The following LRRC4C variants were observed in gnomAD, a reference collection of about 807,000 sequenced individuals.
LRRC4C encodes leucine-rich repeat-containing protein 4C.
In LRRC4C, 5 loss-of-function variants were observed where a neutral mutation model predicts 33.6. The ratio of observed to expected loss-of-function variants is 0.15; its 90% confidence interval spans 0.08 to 0.31. The LOEUF is 0.31. Among genes scored for constraint, LRRC4C ranks in the 10% least tolerant of loss-of-function variants. The pLI is 1.00. For synonymous variants in LRRC4C, 329 were observed against 302.0 expected, an observed-to-expected ratio of 1.09 and a Z score of -0.93; for missense variants, 560 against 796.7, an observed-to-expected ratio of 0.70 and a Z score of 3.58.
chr11:40,943,736 G>T lies in LRRC4C; in HGVS notation c.-495-10013C>A, dbSNP rs533936986. Among the ~76,000 whole-genome samples the T allele has an allele frequency of 4.6e-5, 7 of 152,254 alleles. No homozygotes were observed. In the East Asian group the frequency reaches 1.2e-3, roughly 25 times the overall value. On this transcript the variant is annotated intron_variant, in intron 1 of 6. Coordinates refer to ENST00000528697, the MANE Select transcript of LRRC4C (RefSeq NM_001258419.2). ...TGTCGGGAGAGTCTTTGAAGTGTTT[G>T]CACACATTAGTCTCTTCATTCTTAT...
At chr11:40,825,220 T>C (rs1218335450) in intron 2 of LRRC4C, among the ~76,000 whole-genome samples, 2 of 152,004 alleles carry the variant, frequency 1.3e-5, no homozygotes, top group Non-Finnish European at 2.9e-5. Flanking sequence ...ATCATCAGTC[T>C]TTAGAGTACA....
chr11:40,558,563 T>C (rs537337896), intron 3 of LRRC4C, among the ~76,000 whole-genome samples: 2 of 152,310 alleles, frequency 1.3e-5, no homozygotes, highest in South Asian at 4.1e-4. Flanking sequence ...CTTTCTTTGC[T>C]CTCTCACTTT....
At chr11:40,610,428 G>T (rs1961092054) in intron 3 of LRRC4C, among the ~76,000 whole-genome samples, 2 of 151,748 alleles carry the variant, frequency 1.3e-5, no homozygotes, top group Non-Finnish European at 2.9e-5. Flanking sequence ...ATAGTATGAG[G>T]TGAAAGAAGG....
intron 2 of LRRC4C, among the ~76,000 whole-genome samples, chr11:40,830,413 C>A (rs1417339849): frequency 2.6e-5 from 4 of 152,104 alleles, no homozygotes; most frequent in Non-Finnish European, 5.9e-5. Flanking sequence ...CAACTGCAGA[C>A]TCTACGCTCC....
intron 2 of LRRC4C, among the ~76,000 whole-genome samples, chr11:40,923,471 G>C (rs78242287): frequency 0.062 from 9,407 of 152,058 alleles, 402 homozygotes; most frequent in Admixed American, 0.15. Context: ...GTCACTTTTG[G>C]GTGAAGAATT....
chr11:40,752,697 A>G (rs1034221933), intron 2 of LRRC4C, among the ~76,000 whole-genome samples: 2 of 152,098 alleles, frequency 1.3e-5, no homozygotes. Context: ...TACACCTACT[A>G]TAAAAAACGG....
At chr11:41,075,147 C>T (rs61877035) in intron 1 of LRRC4C, among the ~76,000 whole-genome samples, 15,728 of 149,784 alleles carry the variant, frequency 0.11, 942 homozygotes, top group African/African-American at 0.16. Context: ...AATGAAACCA[C>T]ATGGAAGCCA....
intron 5 of LRRC4C, among the ~76,000 whole-genome samples, chr11:40,167,661 G>T (rs12221789): frequency 0.096 from 14,539 of 152,156 alleles, 1,123 homozygotes; most frequent in East Asian, 0.4. Context: ...TGAGCAAAGG[G>T]TAGGGTGAGG....
At chr11:41,105,705 A>T (rs1941453871) in intron 1 of LRRC4C, among the ~76,000 whole-genome samples, 1 of 152,072 alleles carries the variant, frequency 6.6e-6, no homozygotes, top group South Asian at 2.1e-4. Flanking sequence ...AAGCAACTAC[A>T]ACTTCGATGT....
intron 2 of LRRC4C, among the ~76,000 whole-genome samples, chr11:40,898,338 A>G (rs1406564837): frequency 2.2e-4 from 26 of 117,180 alleles, no homozygotes; most frequent in Non-Finnish European, 8.5e-5. Flanking sequence ...GGGCAACAAG[A>G]GTGAAACTCC....
chr11:41,011,797 A>AT (rs1855205642), intron 1 of LRRC4C, among the ~76,000 whole-genome samples: 1 of 50,888 alleles, frequency 2.0e-5, no homozygotes, highest in Non-Finnish European at 4.5e-5. Flanking sequence ...TGCACTTAAA[A>AT]TTAAAAAAAA....
rs139038511 is a variant in LRRC4C at position 41,380,174 on chromosome 11, C to T, written c.-496+79257G>A. ...AGAGTTTTATTTAAAATTTGAGCCC[C>T]GTGAACAGGGAAGGTATTTTCAATT... On this transcript the variant is annotated intron_variant, in intron 1 of 6. Transcript: ENST00000528697. 3.2e-3 allele frequency among the ~76,000 whole-genome samples: 491 copies of T among 152,190 alleles called. 1 individual carries two copies. Among genetic ancestry groups the T allele is most frequent in the African/African-American group, 1.0e-2 (414 of 41,548 alleles).
intron 1 of LRRC4C, among the ~76,000 whole-genome samples, chr11:41,036,647 G>A (rs1857087601): frequency 9.3e-6 from 1 of 107,928 alleles, no homozygotes; most frequent in Non-Finnish European, 2.2e-5. Flanking sequence ...GGTGTTGAAG[G>A]AAGCATTTTT....
At chr11:40,642,736 C>T (rs568715094) in intron 3 of LRRC4C, among the ~76,000 whole-genome samples, 50 of 152,146 alleles carry the variant, frequency 3.3e-4, no homozygotes, top group Non-Finnish European at 6.6e-4. Context: ...TTGCAAGCTC[C>T]GACTATCTAA....
chr11:41,026,216 A>T (rs1856344935), intron 1 of LRRC4C, among the ~76,000 whole-genome samples: 1 of 151,758 alleles, frequency 6.6e-6, no homozygotes. Flanking sequence ...GATGCCGTTA[A>T]GAACATTTGC....
At chr11:40,885,011 A>AGTATTTC (rs1955379222) in intron 2 of LRRC4C, among the ~76,000 whole-genome samples, 1 of 151,990 alleles carries the variant, frequency 6.6e-6, no homozygotes. Context: ...TGAGGGATGA[A>AGTATTTC]AAATTATCGA....
intron 2 of LRRC4C, among the ~76,000 whole-genome samples, chr11:40,833,505 T>C (rs1952513284): frequency 6.6e-6 from 1 of 152,096 alleles, no homozygotes; most frequent in Admixed American, 6.6e-5. Context: ...GACTTTGATC[T>C]CTGGAGTTCA....
At chr11:41,114,964 G>A (rs78026793) in intron 1 of LRRC4C, among the ~76,000 whole-genome samples, 1,854 of 152,134 alleles carry the variant, frequency 0.012, 41 homozygotes, top group African/African-American at 0.043. Context: ...ACACAGTGGA[G>A]GAGGAGTAGA....
intron 3 of LRRC4C, among the ~76,000 whole-genome samples, chr11:40,424,581 T>C (rs112639905): frequency 3.3e-5 from 5 of 152,314 alleles, no homozygotes; most frequent in African/African-American, 1.2e-4. Context: ...GCAATACTAA[T>C]AAAGTGGAAA....
Sources: allele counts gnomAD v4.1 joint callset (sites outside exome capture counted in the v4.1 genomes callset), GRCh38; gene constraint gnomAD v4.1.1; transcripts MANE v1.5; gene names NCBI Gene and HGNC (gene_info 2026-07-23, HGNC 2026-07-21).